The following ADAMTS10 variants were observed in gnomAD, a reference collection of about 807,000 sequenced individuals.
ADAMTS10 encodes the protein A disintegrin and metalloproteinase with thrombospondin motifs 10.
Under a neutral mutation model 135.9 loss-of-function variants are expected in ADAMTS10, and 48 were observed. The observed-to-expected ratio is 0.35, with a 90% CI of 0.28 to 0.45. The LOEUF (loss-of-function observed/expected upper bound fraction) is 0.45. Among genes scored for constraint, ADAMTS10 ranks in the 20% least tolerant of loss-of-function variants. The pLI, the probability that ADAMTS10 is intolerant of heterozygous loss-of-function variation, is 1.00. For synonymous variants in ADAMTS10, 621 were observed against 647.5 expected, an observed-to-expected ratio of 0.96 and a Z score of 0.62; for missense variants, 1,131 against 1,565.2, an observed-to-expected ratio of 0.72 and a Z score of 4.68.
At chr19:8,600,665 A>AT (rs1372856593) in intron 6 of ADAMTS10, among the ~76,000 whole-genome samples, 5 of 151,258 alleles carry the variant, frequency 3.3e-5, no homozygotes, top group Admixed American at 2.0e-4. Context: ...CACTCGGCTA[A>AT]TTTTTTGTAT....
intron 12 of ADAMTS10, chr19:8,595,496 GC>G (rs1346079212): frequency 2.0e-6 from 1 of 501,104 alleles, no homozygotes; most frequent in Non-Finnish European, 3.6e-6. Flanking sequence ...CCAGACAGAA[GC>G]TGGCCCCCCA....
At chr19:8,608,672 G>A (rs2146110891) in intron 1 of ADAMTS10, among the ~76,000 whole-genome samples, 1 of 151,680 alleles carries the variant, frequency 6.6e-6, no homozygotes, top group East Asian at 1.9e-4. Context: ...CCTCCTTCAG[G>A]GGCTCTCTCT....
chr19:8,602,629 C>CTA (rs2042679657), intron 5 of ADAMTS10, among the ~76,000 whole-genome samples: 1 of 151,936 alleles, frequency 6.6e-6, no homozygotes, highest in African/African-American at 2.4e-5. Flanking sequence ...CCCTGATTTT[C>CTA]TATATATATA....
intron 17 of ADAMTS10, 24 bp downstream of exon 17, chr19:8,589,428 C>T: frequency 6.2e-7 from 1 of 1,613,102 alleles, no homozygotes. Context: ...ATCCCCTCTC[C>T]ACCTCCCTGG....
rs782467204 is a variant in ADAMTS10 at position 8,596,246 on chromosome 19, G to A, written c.1191-27C>T. The A allele has an allele frequency of 5.0e-6, 8 of 1,612,926 alleles. No homozygotes were observed. Among genetic ancestry groups the A allele is most frequent in the East Asian group, 4.5e-5 (2 of 44,886 alleles). On this transcript the variant is annotated intron_variant, in intron 10 of 25. Coordinates refer to ENST00000597188, the MANE Select transcript of ADAMTS10 (RefSeq NM_030957.4). This position sits in a 1 kb window ranked among gnomAD's most constrained non-coding sequence, Gnocchi z 7.2. ...TGGGGAAAGGGGTGTCGGCTCTGCC[G>A]GGCGCTGAGGGACCCGCCCAGCTCC... is the stretch of plus-strand genomic sequence containing the variant.
intron 6 of ADAMTS10, among the ~76,000 whole-genome samples, chr19:8,599,817 C>T (rs1555741040): frequency 1.3e-5 from 2 of 151,738 alleles, no homozygotes; most frequent in Admixed American, 6.6e-5. Context: ...ACTATGTTTC[C>T]CAGGCTGCTG....
At chr19:8,608,811 G>A (rs552745617) in intron 1 of ADAMTS10, among the ~76,000 whole-genome samples, 1 of 152,044 alleles carries the variant, frequency 6.6e-6, no homozygotes, top group African/African-American at 2.4e-5. Context: ...GGCTCAGGTG[G>A]GGTGTGAGGG....
intron 13 of ADAMTS10, 117 bp downstream of exon 13, chr19:8,592,646 G>T: frequency 9.5e-7 from 1 of 1,050,298 alleles, no homozygotes; most frequent in Non-Finnish European, 1.4e-6. Context: ...CAAATGGCGG[G>T]CGTGGCCAAT....
At chr19:8,588,822 C>G (rs915065557) in intron 18 of ADAMTS10, among the ~76,000 whole-genome samples, 1 of 151,832 alleles carries the variant, frequency 6.6e-6, no homozygotes, top group Non-Finnish European at 1.5e-5. Flanking sequence ...GACAGAGCCT[C>G]GCTCTGTCGC....
chr19:8,598,307 C>G (rs188142944), intron 6 of ADAMTS10, among the ~76,000 whole-genome samples: 6 of 152,038 alleles, frequency 3.9e-5, no homozygotes, highest in East Asian at 3.9e-4. Context: ...TGCTTACCCC[C>G]CTGACTGCCT....
chr19:8,593,167 C>G, intron 12 of ADAMTS10: 1 of 496,148 alleles, frequency 2.0e-6, no homozygotes, highest in Non-Finnish European at 3.7e-6. Flanking sequence ...TAAGGTCACA[C>G]AGCTACTAAG....
rs782052594 is a variant in ADAMTS10, at chr19:8,589,300, A to T, written c.2100T>A (p.Gly700=). Reference sequence around the variant, plus strand: ...CGATGGTCTCGCAGGCACTGCCGTCACCGCCACACACTCGGCACTTGTCCT... The same window carrying T: ...CGATGGTCTCGCAGGCACTGCCGTCTCCGCCACACACTCGGCACTTGTCCT... The part of the protein sequence containing the change: ...LREDKCRVCG[G]DGSACETIEG... Residue 700 remains glycine, a synonymous_variant, in exon 18 of 26, where the codon GGT becomes GGA. Coordinates refer to ENST00000597188, the MANE Select transcript of ADAMTS10 (RefSeq NM_030957.4). The T allele has an allele frequency of 9.3e-6, 15 of 1,612,302 alleles. No individual in the cohort carries two copies. The Admixed American group carries it at 2.5e-4, about 27-fold the overall frequency.
At chr19:8,599,602 A>T (rs2042641254) in intron 6 of ADAMTS10, among the ~76,000 whole-genome samples, 1 of 151,798 alleles carries the variant, frequency 6.6e-6, no homozygotes, top group Non-Finnish European at 1.5e-5. Context: ...AAGTGCTGGG[A>T]TTACAGGTGT....
chr19:8,596,422 C>T lies in ADAMTS10; in HGVS notation c.1085-10G>A, dbSNP rs374055293. On this transcript the variant is annotated splice_polypyrimidine_tract_variant and intron_variant, in intron 9 of 25. Coordinates refer to ENST00000597188, the MANE Select transcript of ADAMTS10 (RefSeq NM_030957.4). The surrounding 1 kb of genome is among the most constrained non-coding windows in gnomAD (Gnocchi z 7.2). ...CCCACCGGGGCCAGGCCTGGGAAGA[C>T]GGACATGTGGGGATGGGGCTGGGAG... 9.4e-5 allele frequency: 152 copies of T among 1,613,694 alleles called. 1 individual carries two copies. The highest frequency in any genetic ancestry group is 9.0e-4 in the South Asian group (82 of 91,044).
At chr19:8,589,007 G>T (rs1376767339) in intron 18 of ADAMTS10, among the ~76,000 whole-genome samples, 2 of 152,124 alleles carry the variant, frequency 1.3e-5, no homozygotes, top group Non-Finnish European at 2.9e-5. Context: ...GGCCAGGCTG[G>T]TCTCAAACTC....
intron 4 of ADAMTS10, 117 bp from the exon 5 acceptor site, chr19:8,604,001 C>CAT: frequency 3.6e-6 from 3 of 824,254 alleles, no homozygotes; most frequent in Non-Finnish European, 5.2e-6. Flanking sequence ...TTTGCTATTT[C>CAT]TTTTTTTTTT....
At chr19:8,609,743 G>A (rs1309451404) in intron 1 of ADAMTS10, among the ~76,000 whole-genome samples, 3 of 152,062 alleles carry the variant, frequency 2.0e-5, no homozygotes, top group African/African-American at 7.2e-5. Flanking sequence ...CCAACTCAGG[G>A]GAAGTGGGCG....
chr19:8,581,213 G>A (rs1215074508), intron 25 of ADAMTS10: 1 of 355,504 alleles, frequency 2.8e-6, no homozygotes, highest in African/African-American at 2.5e-5. Context: ...TTGAGCTCAA[G>A]TGATCCTCTC....
intron 15 of ADAMTS10, among the ~76,000 whole-genome samples, chr19:8,591,389 AG>A (rs1392693031): frequency 6.6e-6 from 1 of 151,098 alleles, no homozygotes; most frequent in African/African-American, 2.4e-5. Flanking sequence ...TGGCGGCTGC[AG>A]GTTCCCCAGG....
Sources: allele counts gnomAD v4.1 joint callset (sites outside exome capture counted in the v4.1 genomes callset), GRCh38; gene constraint gnomAD v4.1.1; non-coding constraint Gnocchi (gnomAD v3.1); transcripts MANE v1.5; gene names NCBI Gene and HGNC (gene_info 2026-07-23, HGNC 2026-07-21).